The following IL1RAPL1 variants were observed in gnomAD, a reference collection of about 807,000 sequenced individuals.
IL1RAPL1 encodes the protein interleukin-1 receptor accessory protein-like 1.
In IL1RAPL1, 3 loss-of-function variants were observed where a neutral mutation model predicts 48.4. That is an observed-to-expected ratio of 0.06 (90% confidence interval 0.03 to 0.16). The LOEUF is 0.16. Ranked by LOEUF, IL1RAPL1 falls within the 10% of genes least tolerant of loss-of-function variation. The pLI is 1.00. For missense variants in IL1RAPL1, 349 were observed against 530.6 expected, an observed-to-expected ratio of 0.66 and a Z score of 3.36; for synonymous variants, 185 against 187.7, an observed-to-expected ratio of 0.99 and a Z score of 0.12.
intron 2 of IL1RAPL1, among the ~76,000 whole-genome samples, chrX:29,268,728 G>A (rs1162896521): frequency 8.9e-6 from 1 of 112,079 alleles, no homozygotes; most frequent in African/African-American, 3.2e-5. Flanking sequence ...TGCTTAATGC[G>A]CTATGCAGTA....
intron 1 of IL1RAPL1, among the ~76,000 whole-genome samples, chrX:28,722,374 A>G (rs1460027321): frequency 9.0e-6 from 1 of 111,276 alleles, no homozygotes; most frequent in African/African-American, 3.3e-5. Flanking sequence ...ATGGGAGTTC[A>G]CTCATGATTT....
At chrX:29,954,403 T>C in intron 9 of IL1RAPL1, 119 bp from the exon 10 acceptor site, 3 of 569,080 alleles carry the variant, frequency 5.3e-6, no homozygotes, top group African/African-American at 2.3e-5. Flanking sequence ...GGCTTCATTT[T>C]TCGGTCTTTC....
At chrX:29,141,490 C>T (rs1201677056) in intron 2 of IL1RAPL1, among the ~76,000 whole-genome samples, 1 of 111,457 alleles carries the variant, frequency 9.0e-6, no homozygotes, top group Non-Finnish European at 1.9e-5. Context: ...TACTTTTATT[C>T]TTACCCTTAA....
chrX:29,767,933 A>C (rs1928954884), intron 6 of IL1RAPL1, among the ~76,000 whole-genome samples: 1 of 109,840 alleles, frequency 9.1e-6, no homozygotes, highest in African/African-American at 3.4e-5. Flanking sequence ...TGCTAAGTTT[A>C]TTCAGTTTAA....
chrX:29,816,023 CA>C (rs1483016273), intron 6 of IL1RAPL1, among the ~76,000 whole-genome samples: 2 of 110,528 alleles, frequency 1.8e-5, no homozygotes, highest in Admixed American at 1.9e-4. Context: ...ACTAGAAAAA[CA>C]AAAACAGTCT....
At chrX:28,980,672 C>T (rs1337404031) in intron 2 of IL1RAPL1, among the ~76,000 whole-genome samples, 1 of 111,247 alleles carries the variant, frequency 9.0e-6, no homozygotes, top group African/African-American at 3.3e-5. Flanking sequence ...AGGACAAATG[C>T]ATATATGGGT....
At chrX:29,049,969 T>C (rs1424296089) in intron 2 of IL1RAPL1, among the ~76,000 whole-genome samples, 1 of 112,340 alleles carries the variant, frequency 8.9e-6, no homozygotes, top group Non-Finnish European at 1.9e-5. Context: ...GTTCTTTTTC[T>C]ATTTCAGGAT....
In IL1RAPL1 at chrX:29,772,243, C is replaced by A. The variant is rs866907042; in HGVS notation, c.778+103739C>A. 6.0e-5 allele frequency among the ~76,000 whole-genome samples: 5 copies of A among 82,805 alleles called. No individual in the cohort carries two copies. In the South Asian group the frequency reaches 3.6e-3, roughly 60 times the overall value. 71.9% of individuals were successfully genotyped at this position (82,805 alleles called of 115,157 possible). On this transcript the variant is annotated intron_variant, in intron 6 of 10. Transcript: ENST00000378993. ...TCTAGCCTGGGTGACATTGTGAGAC[C>A]CTGTTTCTTAAAAAAAAAAAAAAAA...
chrX:29,264,737 ACTCT>A (rs1441219599), intron 2 of IL1RAPL1, among the ~76,000 whole-genome samples: 3 of 110,631 alleles, frequency 2.7e-5, no homozygotes, highest in Non-Finnish European at 3.8e-5. Flanking sequence ...GTTCTCAATT[ACTCT>A]CTATGTACCT....
At chrX:29,916,677 A>T (rs948243443) in intron 6 of IL1RAPL1, among the ~76,000 whole-genome samples, 2 of 112,075 alleles carry the variant, frequency 1.8e-5, no homozygotes, top group Non-Finnish European at 3.8e-5. Context: ...GTAAAGTGGC[A>T]TGAAATATCC....
intron 2 of IL1RAPL1, among the ~76,000 whole-genome samples, chrX:29,104,548 A>C (rs1465679302): frequency 1.8e-5 from 2 of 111,238 alleles, no homozygotes; most frequent in Non-Finnish European, 3.8e-5. Flanking sequence ...AATAAGATCT[A>C]GTATTTGATA....
chrX:29,134,669 A>G (rs1027788560), intron 2 of IL1RAPL1, among the ~76,000 whole-genome samples: 1 of 111,222 alleles, frequency 9.0e-6, no homozygotes, highest in Middle Eastern at 4.7e-3. Flanking sequence ...TAAATCCCTC[A>G]GGACTCAAAA....
chrX:29,852,975 G>A (rs1931401576), intron 6 of IL1RAPL1, among the ~76,000 whole-genome samples: 1 of 111,364 alleles, frequency 9.0e-6, no homozygotes. Flanking sequence ...AGCTGACTGT[G>A]AGAATCCTGT....
intron 2 of IL1RAPL1, among the ~76,000 whole-genome samples, chrX:28,938,949 A>G (rs1328184706): frequency 9.0e-6 from 1 of 110,701 alleles, no homozygotes; most frequent in Non-Finnish European, 1.9e-5. Context: ...CATTAGAGAA[A>G]TGCAAATCAA....
chrX:29,120,743 G>A (rs1435001302), intron 2 of IL1RAPL1, among the ~76,000 whole-genome samples: 1 of 111,012 alleles, frequency 9.0e-6, no homozygotes, highest in African/African-American at 3.3e-5. Context: ...CATTCTATGA[G>A]GCCAACATTA....
chrX:29,467,518 G>A (rs1474049805), intron 5 of IL1RAPL1, among the ~76,000 whole-genome samples: 3 of 112,643 alleles, frequency 2.7e-5, no homozygotes, highest in Non-Finnish European at 5.6e-5. Context: ...GGGAGGGGGA[G>A]CACACAGGTG....
At chrX:28,612,541 CT>C (rs766991156) in intron 1 of IL1RAPL1, among the ~76,000 whole-genome samples, 8 of 112,050 alleles carry the variant, frequency 7.1e-5, no homozygotes, top group Non-Finnish European at 1.5e-4. Flanking sequence ...GTAGCACCCC[CT>C]AAAGGGAGGG....
At chrX:28,898,576 A>G (rs1922993226) in intron 2 of IL1RAPL1, among the ~76,000 whole-genome samples, 1 of 110,397 alleles carries the variant, frequency 9.1e-6, no homozygotes, top group South Asian at 3.8e-4. Flanking sequence ...CTGCCTCCCT[A>G]TGTGCCTGGC....
At chrX:28,703,832 A>G (rs986463347) in intron 1 of IL1RAPL1, among the ~76,000 whole-genome samples, 2 of 111,879 alleles carry the variant, frequency 1.8e-5, no homozygotes, top group African/African-American at 3.2e-5. Flanking sequence ...TACTACATGA[A>G]TACATGTCAT....
Sources: allele counts gnomAD v4.1 joint callset (sites outside exome capture counted in the v4.1 genomes callset), GRCh38; gene constraint gnomAD v4.1.1; transcripts MANE v1.5; gene names NCBI Gene and HGNC (gene_info 2026-07-23, HGNC 2026-07-21).